The following ST8SIA1 variants were observed in gnomAD, a reference collection of about 807,000 sequenced individuals.
The protein encoded by ST8SIA1 is ST8 alpha-N-acetyl-neuraminide alpha-2,8-sialyltransferase 1, also known as alpha-N-acetylneuraminide alpha-2,8-sialyltransferase.
In ST8SIA1, 16 loss-of-function variants were observed where a neutral mutation model predicts 35.9. The observed-to-expected ratio is 0.45, with a 90% CI of 0.30 to 0.68. The LOEUF (loss-of-function observed/expected upper bound fraction) is 0.68. Ranked by LOEUF, ST8SIA1 falls within the 30% of genes least tolerant of loss-of-function variation. The pLI, the probability that ST8SIA1 is intolerant of heterozygous loss-of-function variation, is 0.09. For synonymous variants in ST8SIA1, 170 were observed against 169.6 expected (o/e 1.00, Z -0.02); for missense variants, 383 against 453.6 (o/e 0.84, Z 1.41).
At chr12:22,287,331 G>A in intron 1 of ST8SIA1, 38 bp from the exon 2 acceptor site, 1 of 1,592,130 alleles carries the variant, frequency 6.3e-7, no homozygotes, top group Non-Finnish European at 8.6e-7. Flanking sequence ...AGAACAGCAG[G>A]TTAAATGAGG....
chr12:22,292,758 G>A (rs1235641757), intron 1 of ST8SIA1, among the ~76,000 whole-genome samples: 1 of 152,132 alleles, frequency 6.6e-6, no homozygotes, highest in Non-Finnish European at 1.5e-5. Flanking sequence ...GCGGGAGAAA[G>A]AATGGGAGAA....
intron 1 of ST8SIA1, chr12:22,325,951 C>A (rs1209310941): frequency 3.0e-6 from 2 of 672,014 alleles, no homozygotes; most frequent in African/African-American, 3.6e-5. Context: ...AGGGAAGATT[C>A]GCATCCCAGG....
chr12:22,254,962 A>G (rs111676850), intron 3 of ST8SIA1, among the ~76,000 whole-genome samples: 46 of 152,356 alleles, frequency 3.0e-4, no homozygotes, highest in African/African-American at 1.1e-3. Flanking sequence ...AGAACAATTT[A>G]AAAAGCCAAA....
At chr12:22,248,932 A>G (rs2120748914) in intron 4 of ST8SIA1, 74 bp downstream of exon 4, 1 of 1,107,184 alleles carries the variant, frequency 9.0e-7, no homozygotes, top group Non-Finnish European at 1.4e-6. Context: ...AATTATGCTC[A>G]CTGCCTTTGA....
Position 22,196,109 on chromosome 12 carries a change from G to A in ST8SIA1, c.*5443C>T, listed in dbSNP as rs1351113843. 1 of 152,172 alleles carries A rather than the reference G, an allele frequency of 6.6e-6. No homozygotes were observed. Among genetic ancestry groups the A allele is most frequent in the Non-Finnish European group, 1.5e-5 (1 of 68,036 alleles). The allele number at this position is 152,172 out of a possible 1,614,324, so 9.4% of individuals were successfully genotyped here. A position where few individuals can be genotyped will look rare whatever the true frequency, so the allele number is the denominator to read the frequency against. ...ATATAGAGATCAATAGAAACACAGA[G>A]GAGTGACCATAAAATATAATTCCTC... On this transcript the variant is annotated 3_prime_UTR_variant, in exon 5 of 5. Coordinates refer to ENST00000396037, the MANE Select transcript of ST8SIA1 (RefSeq NM_003034.4).
chr12:22,333,921 C>G (rs528215070), intron 1 of ST8SIA1, 76 bp downstream of exon 1: 2 of 1,308,854 alleles, frequency 1.5e-6, no homozygotes, highest in East Asian at 4.6e-5. Flanking sequence ...GCAAGGCGGT[C>G]CTCGCCGGTG....
intron 2 of ST8SIA1, among the ~76,000 whole-genome samples, chr12:22,257,206 AATT>A (rs561711607): frequency 6.6e-6 from 1 of 151,694 alleles, no homozygotes; most frequent in Non-Finnish European, 1.5e-5. Context: ...GAGGAACTGC[AATT>A]ATTATTATTA....
At chr12:22,333,361 C>T (rs1200021968) in intron 1 of ST8SIA1, among the ~76,000 whole-genome samples, 4 of 152,194 alleles carry the variant, frequency 2.6e-5, no homozygotes, top group Admixed American at 2.0e-4. Flanking sequence ...GGAAGTTACT[C>T]ATCCTTCTAA....
intron 4 of ST8SIA1, among the ~76,000 whole-genome samples, chr12:22,234,675 A>ATG (rs1247465471): frequency 6.6e-6 from 1 of 152,188 alleles, no homozygotes; most frequent in Non-Finnish European, 1.5e-5. Flanking sequence ...CAAACTCAAC[A>ATG]TGTGCAGTAC....
chr12:22,240,733 C>T (rs578077441), intron 4 of ST8SIA1, among the ~76,000 whole-genome samples: 7 of 152,184 alleles, frequency 4.6e-5, no homozygotes, highest in Admixed American at 3.3e-4. Context: ...GTTCCCCCTG[C>T]GATTATCTCT....
At position 22,243,073 on chromosome 12, in the gene ST8SIA1, T is replaced by C. The variant is rs1433609038; in HGVS notation, c.584+5933A>G. ...GTAATAAGTATTGCCTTCTCTAACTTTCTTTTTTTCACTATAATTATGAGT... is the reference window on the plus strand; with the variant it reads ...GTAATAAGTATTGCCTTCTCTAACTCTCTTTTTTTCACTATAATTATGAGT... On this transcript the variant is annotated intron_variant, in intron 4 of 4. Transcript: ENST00000396037. 2.0e-5 allele frequency among the ~76,000 whole-genome samples: 3 copies of C among 152,212 alleles called. No individual in the cohort carries two copies. The East Asian group carries it at 5.8e-4, about 29-fold the overall frequency.
At chr12:22,258,643 T>C (rs1437093000) in intron 2 of ST8SIA1, among the ~76,000 whole-genome samples, 1 of 152,206 alleles carries the variant, frequency 6.6e-6, no homozygotes, top group Non-Finnish European at 1.5e-5. Context: ...AAAAACCTGA[T>C]CTGAGTAAGT....
At chr12:22,238,990 T>C (rs1865508224) in intron 4 of ST8SIA1, among the ~76,000 whole-genome samples, 3 of 152,230 alleles carry the variant, frequency 2.0e-5, no homozygotes. Context: ...TTGCAGAATA[T>C]ACATTTCTAT....
intron 2 of ST8SIA1, among the ~76,000 whole-genome samples, chr12:22,255,831 T>A (rs1865723158): frequency 2.6e-5 from 4 of 152,344 alleles, no homozygotes; most frequent in African/African-American, 9.6e-5. Context: ...ACATTTCCTT[T>A]GCTAACTGTT....
intron 4 of ST8SIA1, among the ~76,000 whole-genome samples, chr12:22,216,563 G>C (rs1865235642): frequency 6.6e-6 from 1 of 152,064 alleles, no homozygotes; most frequent in South Asian, 2.1e-4. Flanking sequence ...GCCTGGATTA[G>C]GTATCTAACT....
At chr12:22,259,177 T>C (rs939735303) in intron 2 of ST8SIA1, among the ~76,000 whole-genome samples, 1 of 152,140 alleles carries the variant, frequency 6.6e-6, no homozygotes, top group Non-Finnish European at 1.5e-5. Flanking sequence ...AAAACAGTAA[T>C]TTAACACACT....
At chr12:22,303,846 C>CCCCACA (rs762693973) in intron 1 of ST8SIA1, among the ~76,000 whole-genome samples, 42 of 140,782 alleles carry the variant, frequency 3.0e-4, no homozygotes, top group African/African-American at 1.1e-3. Flanking sequence ...CACCACCCTG[C>CCCCACA]CACACACACA....
At chr12:22,205,797 T>A (rs114807790) in intron 4 of ST8SIA1, among the ~76,000 whole-genome samples, 1,907 of 152,120 alleles carry the variant, frequency 0.013, 49 homozygotes, top group African/African-American at 0.043. Flanking sequence ...CATGAACTTA[T>A]CAGACATTTG....
intron 1 of ST8SIA1, among the ~76,000 whole-genome samples, chr12:22,320,687 T>C (rs1054098304): frequency 6.6e-6 from 1 of 151,680 alleles, no homozygotes. Flanking sequence ...TCTACAAAGA[T>C]AAAAATTAAA....
Sources: allele counts gnomAD v4.1 joint callset (sites outside exome capture counted in the v4.1 genomes callset), GRCh38; gene constraint gnomAD v4.1.1; transcripts MANE v1.5; gene names NCBI Gene and HGNC (gene_info 2026-07-23, HGNC 2026-07-21).